Variants in UCHL1 observed in about 807,000 individuals in gnomAD.
The protein encoded by UCHL1 is ubiquitin C-terminal hydrolase L1, also known as ubiquitin carboxyl-terminal hydrolase isozyme L1.
In UCHL1, 5 loss-of-function variants were observed where a neutral mutation model predicts 33.3. That is an observed-to-expected ratio of 0.15 (90% CI 0.08 to 0.32). UCHL1 has a LOEUF of 0.32. UCHL1 is among the 10% of genes least tolerant of loss of function. The pLI is 1.00. For synonymous variants in UCHL1, 132 were observed against 108.8 expected, an observed-to-expected ratio of 1.21 and a Z score of -1.33; for missense variants, 236 against 280.0, an observed-to-expected ratio of 0.84 and a Z score of 1.12.
At chr4:41,257,434 G>A in intron 2 of UCHL1, 175 bp from the exon 3 acceptor site, 1 of 1,004,384 alleles carries the variant, frequency 1.0e-6, no homozygotes, top group Non-Finnish European at 1.4e-6. Context: ...CGTGTGGGCC[G>A]CGCTTTGTGC....
At chr4:41,257,761 G>T in intron 3 of UCHL1, 24 bp downstream of exon 3, 1 of 1,551,372 alleles carries the variant, frequency 6.4e-7, no homozygotes. Context: ...CCCAGGATGC[G>T]CCGGCCGCCG....
chr4:41,266,232 T>TG (rs1781151659), intron 8 of UCHL1, among the ~76,000 whole-genome samples: 3 of 151,852 alleles, frequency 2.0e-5, no homozygotes, highest in African/African-American at 2.4e-5. Flanking sequence ...AAAACTTTTT[T>TG]TTTTTTTTTT....
rs568252861 is a variant in UCHL1, at chr4:41,266,458, G to A, written c.586-1529G>A. Among the ~76,000 whole-genome samples, 8 of 152,122 alleles carry A rather than the reference G, an allele frequency of 5.3e-5. No individual in the cohort carries two copies. The South Asian group carries it at 1.2e-3, about 24-fold the overall frequency. ...GCTTGAATGAATTAGGTCCCTGCAC[G>A]TTAGCTCTATAGAAGATGGTTATTC... On this transcript the variant is annotated intron_variant, in intron 8 of 8. Transcript: ENST00000284440.
intron 7 of UCHL1, 109 bp downstream of exon 7, chr4:41,263,400 A>G (rs779216663): frequency 9.2e-7 from 1 of 1,090,608 alleles, no homozygotes; most frequent in Non-Finnish European, 1.4e-6. Context: ...ATCATTGTTT[A>G]TAAAGCCACA....
intron 4 of UCHL1, 108 bp downstream of exon 4, chr4:41,260,905 T>C: frequency 6.8e-7 from 1 of 1,479,022 alleles, no homozygotes; most frequent in Non-Finnish European, 9.4e-7. Flanking sequence ...TGAAACCATT[T>C]TGTAATGATG....
Position 41,259,999 on chromosome 4 carries a change from G to C in UCHL1, c.175-648G>C, listed in dbSNP as rs117226217. ...CTCAAATTGCCAGTCTGTCCTCAAA[G>C]TAAACTGTTTAGCTGGCAAGGACAA... On this transcript the variant is annotated intron_variant, in intron 3 of 8. Coordinates refer to ENST00000284440, the MANE Select transcript of UCHL1 (RefSeq NM_004181.5). 7.9e-4 allele frequency among the ~76,000 whole-genome samples: 121 copies of C among 152,322 alleles called. 2 individuals are homozygous for C. In the East Asian group the frequency reaches 0.018, roughly 22 times the overall value.
Position 41,260,782 on chromosome 4 carries a change from G to A in UCHL1, c.310G>A (p.Asp104Asn). ...GLIHAVANNQ[D>N]KLGFEDGSVL... ...TATTCACGCAGTGGCCAATAATCAA[G>A]ACAAACTGGGATTTGGTAGGTGTGG... Residue 104 changes from aspartate (D) to asparagine (N), a missense_variant, in exon 4 of 9, where the codon GAC (aspartate) becomes AAC (asparagine). Physicochemically the swap from Asp to Asn is conservative, Grantham distance 23. Transcript: ENST00000284440. 1 of 1,614,186 alleles carries A rather than the reference G, an allele frequency of 6.2e-7. No homozygotes were observed. Among genetic ancestry groups the A allele is most frequent in the Non-Finnish European group, 8.5e-7 (1 of 1,180,034 alleles).
chr4:41,261,925 TA>T lies in UCHL1; in HGVS notation c.459+5del. On this transcript the variant is annotated splice_donor_region_variant and intron_variant, in intron 6 of 8. Transcript: ENST00000284440. ...GTGGCACAGGAAGGCCAATGTCGGG[TA>T]AATGCAAATACAAATCGGAGCCAGG... 1 of 1,613,986 alleles carries T rather than the reference TA, an allele frequency of 6.2e-7. No homozygotes were observed. The highest frequency in any genetic ancestry group is 1.1e-5 in the South Asian group (1 of 91,056).
rs924143390 is a variant in UCHL1, at chr4:41,261,868, T to C, written c.412-8T>C. 6.8e-6 allele frequency: 11 copies of C among 1,614,088 alleles called. No individual in the cohort carries two copies. Among genetic ancestry groups the C allele is most frequent in the Non-Finnish European group, 9.3e-6 (11 of 1,180,048 alleles). ...ATTTTTGTGCTAATTATTTTCTTTT[T>C]TCCGCAGGCCATACAGGCAGCCCAT... On this transcript the variant is annotated splice_region_variant and splice_polypyrimidine_tract_variant and intron_variant, in intron 5 of 8. Transcript: ENST00000284440.
intron 8 of UCHL1, among the ~76,000 whole-genome samples, chr4:41,265,611 A>G (rs1781139745): frequency 6.6e-6 from 1 of 152,164 alleles, no homozygotes; most frequent in Non-Finnish European, 1.5e-5. Flanking sequence ...GTCCGCATCT[A>G]GAGTCTGTGT....
In UCHL1 at chr4:41,257,617, C is replaced by A. The variant is rs745957339; in HGVS notation, c.54C>A (p.Ser18=). 21 of 1,552,474 alleles carry A rather than the reference C, an allele frequency of 1.4e-5. No individual in the cohort carries two copies. The South Asian group carries it at 2.5e-4, about 18-fold the overall frequency. Residue 18 remains serine (S), a synonymous_variant, in exon 3 of 9, where the codon TCC becomes TCA. Coordinates refer to ENST00000284440, the MANE Select transcript of UCHL1 (RefSeq NM_004181.5). ...INPEMLNKVL[S]RLGVAGQWRF... ...TTGTCTCCTCTCCGCAGGTGCTGTCCCGGCTGGGGGTCGCCGGCCAGTGGC... is the reference window on the plus strand; with the variant it reads ...TTGTCTCCTCTCCGCAGGTGCTGTCACGGCTGGGGGTCGCCGGCCAGTGGC...
chr4:41,259,429 G>T (rs1449511626), intron 3 of UCHL1, among the ~76,000 whole-genome samples: 1 of 152,146 alleles, frequency 6.6e-6, no homozygotes, highest in Non-Finnish European at 1.5e-5. Context: ...AATTAGCCTA[G>T]AAAATGAAAA....
chr4:41,267,440 G>GT (rs1193689848), intron 8 of UCHL1, among the ~76,000 whole-genome samples: 1 of 152,086 alleles, frequency 6.6e-6, no homozygotes, highest in Non-Finnish European at 1.5e-5. Context: ...TAGAGACGTG[G>GT]TTTCACCATG....
At chr4:41,258,826 G>A (rs1781025541) in intron 3 of UCHL1, among the ~76,000 whole-genome samples, 1 of 152,232 alleles carries the variant, frequency 6.6e-6, no homozygotes, top group Non-Finnish European at 1.5e-5. Flanking sequence ...TCACTGACAT[G>A]TTTTTATTGC....
At chr4:41,263,336 T>G (rs1023088354) in intron 7 of UCHL1, 45 bp downstream of exon 7, 4 of 1,537,524 alleles carry the variant, frequency 2.6e-6, no homozygotes, top group Non-Finnish European at 3.6e-6. Flanking sequence ...TTTCATGTGT[T>G]CTTTCAGACT....
intron 3 of UCHL1, among the ~76,000 whole-genome samples, chr4:41,260,100 C>T (rs913774703): frequency 6.6e-5 from 10 of 152,112 alleles, no homozygotes; most frequent in African/African-American, 1.7e-4. Context: ...AAAAAGAGGG[C>T]GGAGGTAATG....
At chr4:41,257,294 G>A (rs922404716) in intron 2 of UCHL1, 168 bp downstream of exon 2, 17 of 1,183,770 alleles carry the variant, frequency 1.4e-5, no homozygotes, top group Non-Finnish European at 2.0e-5. Context: ...GCATTTAGCG[G>A]GTGACTCTAC....
intron 4 of UCHL1, 75 bp downstream of exon 4, chr4:41,260,872 G>T (rs1781058894): frequency 1.6e-5 from 26 of 1,602,952 alleles, no homozygotes; most frequent in Non-Finnish European, 2.2e-5. Flanking sequence ...CTGTTTTCCC[G>T]AGGTCAGAGA....
chr4:41,259,691 C>T (rs951672280), intron 3 of UCHL1, among the ~76,000 whole-genome samples: 1 of 152,192 alleles, frequency 6.6e-6, no homozygotes, highest in South Asian at 2.1e-4. Context: ...GTACCCTACT[C>T]TTTAACTGGG....
Sources: allele counts gnomAD v4.1 joint callset (sites outside exome capture counted in the v4.1 genomes callset), GRCh38; gene constraint gnomAD v4.1.1; transcripts MANE v1.5; gene names NCBI Gene and HGNC (gene_info 2026-07-23, HGNC 2026-07-21).